The following NFIA variants were observed in gnomAD, a reference collection of about 807,000 sequenced individuals.
The protein encoded by NFIA is nuclear factor I A, also known as nuclear factor 1 A-type.
In NFIA, 8 loss-of-function variants were observed where a neutral mutation model predicts 62.8. The ratio of observed to expected loss-of-function variants is 0.13; its 90% CI spans 0.07 to 0.23. The LOEUF (loss-of-function observed/expected upper bound fraction) is 0.23. Ranked by LOEUF, NFIA falls within the 10% of genes least tolerant of loss-of-function variation. NFIA has a pLI of 1.00. For synonymous variants in NFIA, 235 were observed against 238.1 expected (o/e 0.99, Z 0.12); for missense variants, 410 against 642.1 (o/e 0.64, Z 3.91).
intron 3 of NFIA, among the ~76,000 whole-genome samples, chr1:61,283,938 T>G (rs777154530): frequency 6.6e-6 from 1 of 152,184 alleles, no homozygotes. Flanking sequence ...TTAAAAAAAT[T>G]TGGAGGCAAT....
intron 2 of NFIA, among the ~76,000 whole-genome samples, chr1:61,256,135 C>A (rs1350990140): frequency 1.3e-5 from 2 of 152,146 alleles, no homozygotes; most frequent in South Asian, 2.1e-4. Context: ...GCAAAAAAAT[C>A]TTAGCATGTT....
At chr1:61,078,141 G>A (rs1646054868), upstream of NFIA, among the ~76,000 whole-genome samples, 1 of 152,036 alleles carries the variant, frequency 6.6e-6, no homozygotes. Flanking sequence ...AGCCAGAGGG[G>A]GCGGGGCAGA....
At chr1:61,256,908 A>G (rs1656434487) in intron 2 of NFIA, among the ~76,000 whole-genome samples, 2 of 152,190 alleles carry the variant, frequency 1.3e-5, no homozygotes, top group African/African-American at 2.4e-5. Context: ...GAGAACTTCA[A>G]GGCTTGAGAG....
chr1:61,404,623 AG>A (rs1665731303), intron 8 of NFIA, among the ~76,000 whole-genome samples: 1 of 152,222 alleles, frequency 6.6e-6, no homozygotes, highest in Non-Finnish European at 1.5e-5. Context: ...AGAAAGACCA[AG>A]TAGTTTTAAA....
intron 2 of NFIA, among the ~76,000 whole-genome samples, chr1:61,269,615 A>G (rs552686888): frequency 6.6e-6 from 1 of 152,270 alleles, no homozygotes; most frequent in East Asian, 1.9e-4. Context: ...TCATGGGATT[A>G]TGGTCACTGT....
At chr1:61,091,725 G>A (rs1036654882) in intron 2 of NFIA, among the ~76,000 whole-genome samples, 2 of 152,204 alleles carry the variant, frequency 1.3e-5, no homozygotes, top group Non-Finnish European at 2.9e-5. Context: ...TACCCGGCAC[G>A]TGGCAAGGTC....
chr1:61,412,044 T>G (rs940871447), intron 9 of NFIA, among the ~76,000 whole-genome samples: 7 of 152,084 alleles, frequency 4.6e-5, no homozygotes, highest in Admixed American at 4.6e-4. Flanking sequence ...GCCACCTAGA[T>G]TTTAATAGAT....
intron 3 of NFIA, among the ~76,000 whole-genome samples, chr1:61,306,101 T>C (rs1417583701): frequency 3.3e-5 from 5 of 151,654 alleles, no homozygotes; most frequent in African/African-American, 4.8e-5. Flanking sequence ...CCGCCCGCCT[T>C]GGCCTCCCAA....
chr1:61,345,076 C>G (rs993690862), intron 4 of NFIA, among the ~76,000 whole-genome samples: 2 of 151,288 alleles, frequency 1.3e-5, no homozygotes, highest in Admixed American at 6.6e-5. Flanking sequence ...AGACTACATT[C>G]TACTTATGAC....
At chr1:61,320,663 C>G (rs1037256453) in intron 3 of NFIA, among the ~76,000 whole-genome samples, 7 of 152,096 alleles carry the variant, frequency 4.6e-5, no homozygotes, top group Admixed American at 3.9e-4. Flanking sequence ...TGGCCCCTGG[C>G]TATCTACTTT....
chr1:61,194,872 G>A (rs190124861), intron 2 of NFIA, among the ~76,000 whole-genome samples: 96 of 152,252 alleles, frequency 6.3e-4, no homozygotes, highest in African/African-American at 2.3e-3. Flanking sequence ...TAATGAGTGT[G>A]TCTGGATTAA....
intron 2 of NFIA, among the ~76,000 whole-genome samples, chr1:61,117,255 T>C (rs990669919): frequency 2.6e-5 from 4 of 152,186 alleles, no homozygotes; most frequent in Admixed American, 6.5e-5. Context: ...CTAGTGGACT[T>C]CTGGTGAAAT....
chr1:61,295,352 C>G (rs1659135917), intron 3 of NFIA, among the ~76,000 whole-genome samples: 1 of 152,126 alleles, frequency 6.6e-6, no homozygotes, highest in Admixed American at 6.6e-5. Context: ...GAAGCAAGAA[C>G]CTGTATGAAA....
chr1:61,162,221 G>A (rs1649262220), intron 2 of NFIA, among the ~76,000 whole-genome samples: 1 of 152,128 alleles, frequency 6.6e-6, no homozygotes, highest in South Asian at 2.1e-4. Context: ...AGCCCCTAGA[G>A]CGAGGAGTCA....
chr1:61,386,775 G>C (rs1664708905), intron 7 of NFIA, among the ~76,000 whole-genome samples: 1 of 152,200 alleles, frequency 6.6e-6, no homozygotes, highest in African/African-American at 2.4e-5. Context: ...TAGCACAGCG[G>C]TTGTCCTTGT....
At chr1:61,267,753 C>T (rs1205068369) in intron 2 of NFIA, among the ~76,000 whole-genome samples, 1 of 152,134 alleles carries the variant, frequency 6.6e-6, no homozygotes, top group Non-Finnish European at 1.5e-5. Context: ...ATGTACACAA[C>T]AACTTGTTGC....
At chr1:61,376,636 A>C (rs1379586594) in intron 6 of NFIA, among the ~76,000 whole-genome samples, 1 of 152,158 alleles carries the variant, frequency 6.6e-6, no homozygotes, top group African/African-American at 2.4e-5. Flanking sequence ...TTTGTATCTG[A>C]TATACCCTTC....
chr1:61,352,468 C>A lies in NFIA; in HGVS notation c.719C>A (p.Thr240Asn). The A allele has an allele frequency of 6.2e-7, 1 of 1,613,734 alleles. No individual in the cohort carries two copies. Residue 240 changes from threonine to asparagine, a missense_variant, in exon 5 of 11, where the codon ACT becomes AAT. Coordinates refer to ENST00000403491, the MANE Select transcript of NFIA (RefSeq NM_001134673.4). ...RVSQTPIAAG[T>N]GPNFSLSDLE... is the part of the protein sequence containing the mutation. ...ATTCTAGCACCAATAGCTGCAGGAACTGGCCCAAATTTTTCTCTCTCAGAT... is the reference window on the plus strand; with the variant it reads ...ATTCTAGCACCAATAGCTGCAGGAAATGGCCCAAATTTTTCTCTCTCAGAT...
intron 1 of NFIA, among the ~76,000 whole-genome samples, chr1:61,083,147 C>A (rs912137948): frequency 4.6e-5 from 7 of 152,286 alleles, no homozygotes; most frequent in Admixed American, 2.6e-4. Context: ...TGTTTTCGGA[C>A]ACCCCGCACG....
Sources: gnomAD v4.1 joint callset for allele counts (sites outside exome capture counted in the v4.1 genomes callset) on GRCh38, gnomAD v4.1.1 for gene constraint, MANE v1.5 for transcripts, NCBI Gene and HGNC (gene_info 2026-07-23, HGNC 2026-07-21) for gene names.